Variants in CNTN6 observed in about 807,000 individuals in gnomAD.
CNTN6 encodes contactin 6.
In CNTN6, 137 loss-of-function variants were observed where a neutral mutation model predicts 122.8. That is an observed-to-expected ratio of 1.12 (90% confidence interval 0.97 to 1.29). The LOEUF is 1.29. Ranked by LOEUF, CNTN6 falls within the 50% of genes most tolerant of loss-of-function variation. The pLI is 0.00. For synonymous variants in CNTN6, 570 were observed against 426.0 expected, an observed-to-expected ratio of 1.34 and a Z score of -4.16; for missense variants, 1,634 against 1,223.4, an observed-to-expected ratio of 1.34 and a Z score of -5.01.
intron 2 of CNTN6, among the ~76,000 whole-genome samples, chr3:1,170,236 C>CAAAAAA (rs10525769): frequency 3.7e-5 from 4 of 107,454 alleles, no homozygotes; most frequent in African/African-American, 7.0e-5. Context: ...GGCTCCATCT[C>CAAAAAA]AAAAAAAAAA....
chr3:1,244,007 G>A lies in CNTN6; in HGVS notation c.358+16014G>A, dbSNP rs577645146. Among the ~76,000 whole-genome samples, 65 of 152,236 alleles carry A rather than the reference G, an allele frequency of 4.3e-4. 1 individual carries two copies. In the Middle Eastern group the frequency reaches 0.01, roughly 24 times the overall value. On this transcript the variant is annotated intron_variant, in intron 4 of 22. Coordinates refer to ENST00000446702, the MANE Select transcript of CNTN6 (RefSeq NM_001289080.2). ...AACGAAGTGTGAAAAATGCCTGGAC[G>A]TAAGGCACCTCAGACCATTTGCCCA... is the stretch of plus-strand genomic sequence containing the variant.
intron 5 of CNTN6, among the ~76,000 whole-genome samples, chr3:1,284,001 A>G (rs1195497473): frequency 4.6e-5 from 7 of 152,242 alleles, no homozygotes; most frequent in African/African-American, 1.4e-4. Flanking sequence ...TTTCATCTCA[A>G]AAAGCAAACA....
At chr3:1,205,775 G>A (rs1368728985) in intron 2 of CNTN6, among the ~76,000 whole-genome samples, 2 of 152,182 alleles carry the variant, frequency 1.3e-5, no homozygotes, top group Non-Finnish European at 1.5e-5. Flanking sequence ...TACCACACAT[G>A]TGTAGGTGAT....
chr3:1,172,463 T>C (rs1049272804), intron 2 of CNTN6, among the ~76,000 whole-genome samples: 3 of 152,204 alleles, frequency 2.0e-5, no homozygotes, highest in African/African-American at 7.2e-5. Flanking sequence ...ATAGTGAAAC[T>C]TTCGAGTAAA....
chr3:1,240,599 A>G (rs900322715), intron 4 of CNTN6, among the ~76,000 whole-genome samples: 3 of 152,100 alleles, frequency 2.0e-5, no homozygotes, highest in African/African-American at 7.2e-5. Flanking sequence ...TACAATCACT[A>G]TGGAAAACAG....
chr3:1,381,946 G>A (rs917857885), intron 17 of CNTN6, among the ~76,000 whole-genome samples: 3 of 76,502 alleles, frequency 3.9e-5, no homozygotes, highest in African/African-American at 1.6e-4. Flanking sequence ...GTGAATTGGT[G>A]CTCGCATGGG....
rs189823015 is a variant in CNTN6 at position 1,169,903 on chromosome 3, G to A, written c.55+21840G>A. On this transcript the variant is annotated intron_variant, in intron 2 of 22. Transcript: ENST00000446702. ...TTTCTTACAATTTTCAAGTGATATG[G>A]GTGGCCCATATTATATTCACCTTAA... Among the ~76,000 whole-genome samples the A allele has an allele frequency of 2.4e-3, 362 of 152,090 alleles. 2 individuals are homozygous for A. Among genetic ancestry groups the A allele is most frequent in the African/African-American group, 8.2e-3 (340 of 41,486 alleles).
chr3:1,169,756 T>A (rs908508827), intron 2 of CNTN6, among the ~76,000 whole-genome samples: 3 of 152,232 alleles, frequency 2.0e-5, no homozygotes, highest in African/African-American at 7.2e-5. Context: ...CTCACTATGC[T>A]AATCAGATAA....
At chr3:1,296,138 A>G (rs1209434777) in intron 6 of CNTN6, among the ~76,000 whole-genome samples, 1 of 152,122 alleles carries the variant, frequency 6.6e-6, no homozygotes, top group African/African-American at 2.4e-5. Context: ...TGCCAAACAT[A>G]TAACTGAATC....
intron 1 of CNTN6, among the ~76,000 whole-genome samples, chr3:1,111,715 A>G (rs1223128013): frequency 6.6e-6 from 1 of 152,174 alleles, no homozygotes; most frequent in Non-Finnish European, 1.5e-5. Context: ...TTCTTTCAAT[A>G]TCATATATTT....
intron 1 of CNTN6, among the ~76,000 whole-genome samples, chr3:1,132,425 T>C (rs945721838): frequency 2.6e-5 from 4 of 152,014 alleles, no homozygotes; most frequent in Admixed American, 6.6e-5. Flanking sequence ...ACCAGAGATA[T>C]ATGTTTTTTA....
At chr3:1,203,923 G>GCAGTACTCAGTACAGTA (rs2093921314) in intron 2 of CNTN6, among the ~76,000 whole-genome samples, 1 of 152,138 alleles carries the variant, frequency 6.6e-6, no homozygotes. Context: ...ACAGTTGTCT[G>GCAGTACTCAGTACAGTA]CAGTACTCAG....
At chr3:1,231,944 C>G (rs890766633) in intron 4 of CNTN6, among the ~76,000 whole-genome samples, 1 of 152,098 alleles carries the variant, frequency 6.6e-6, no homozygotes, top group Non-Finnish European at 1.5e-5. Flanking sequence ...TTTTATTTAT[C>G]AAAGCTTTTG....
At chr3:1,300,249 G>A (rs1696973491) in intron 7 of CNTN6, among the ~76,000 whole-genome samples, 1 of 152,062 alleles carries the variant, frequency 6.6e-6, no homozygotes, top group African/African-American at 2.4e-5. Context: ...GCCTTCCTAA[G>A]TGCTGGGATG....
chr3:1,107,357 T>C (rs1405918393), intron 1 of CNTN6, among the ~76,000 whole-genome samples: 1 of 152,104 alleles, frequency 6.6e-6, no homozygotes, highest in Admixed American at 6.6e-5. Flanking sequence ...GAATAAATTT[T>C]AAGTTGGTTC....
chr3:1,300,186 G>A (rs1013868668), intron 7 of CNTN6, among the ~76,000 whole-genome samples: 2 of 151,924 alleles, frequency 1.3e-5, no homozygotes, highest in Non-Finnish European at 1.5e-5. Flanking sequence ...TGGGGTTTCA[G>A]CACGTTAGCC....
Position 1,329,879 on chromosome 3 carries a change from TC to T in CNTN6, c.1311del (p.Arg438GlyfsTer43). 6.2e-7 allele frequency: 1 copy of T among 1,610,598 alleles called. No individual in the cohort carries two copies. The highest frequency in any genetic ancestry group is 8.5e-7 in the Non-Finnish European group (1 of 1,177,902). On this transcript the variant is annotated frameshift_variant, in exon 11 of 23. Transcript: ENST00000446702. LOFTEE classifies it high-confidence loss of function. ...IVIGCKPNAF[P>X]RAAISWKRGT... is the part of the protein sequence containing the mutation. ...TTATCGGATGCAAACCAAATGCTTT[TC>T]CCAGGGCAGCTATCTCTTGGAAAAG...
intron 2 of CNTN6, among the ~76,000 whole-genome samples, chr3:1,211,544 A>C (rs1046416408): frequency 6.6e-6 from 1 of 152,158 alleles, no homozygotes; most frequent in African/African-American, 2.4e-5. Flanking sequence ...CATGTAACCT[A>C]GAGGCAGATC....
Position 1,195,799 on chromosome 3 carries a change from C to A in CNTN6, c.56-24888C>A, listed in dbSNP as rs552819943. Reference sequence around the variant, plus strand: ...TATGTATTGAATCTTACTATTCTCACCTTTAGTATAATCTTATTTCTACAT... The same window carrying A: ...TATGTATTGAATCTTACTATTCTCAACTTTAGTATAATCTTATTTCTACAT... On this transcript the variant is annotated intron_variant, in intron 2 of 22. Transcript: ENST00000446702. Among the ~76,000 whole-genome samples, 13 of 152,244 alleles carry A rather than the reference C, an allele frequency of 8.5e-5. 2 individuals are homozygous for A. In the South Asian group the frequency reaches 1.9e-3, roughly 22 times the overall value.
Sources: gnomAD v4.1 joint callset for allele counts (sites outside exome capture counted in the v4.1 genomes callset) on GRCh38, gnomAD v4.1.1 for gene constraint, MANE v1.5 for transcripts, NCBI Gene and HGNC (gene_info 2026-07-23, HGNC 2026-07-21) for gene names.